The following ST6GAL2 variants were observed in gnomAD, a reference collection of about 807,000 sequenced individuals.
ST6GAL2 encodes beta-galactoside alpha-2,6-sialyltransferase 2.
In ST6GAL2, 24 loss-of-function variants were observed where a neutral mutation model predicts 37.5. The observed-to-expected ratio is 0.64, with a 90% CI of 0.46 to 0.90. The LOEUF (loss-of-function observed/expected upper bound fraction) is 0.90. Ranked by LOEUF, ST6GAL2 falls within the 40% of genes least tolerant of loss-of-function variation. The pLI is 0.00. For missense variants in ST6GAL2, 715 were observed against 712.7 expected, an observed-to-expected ratio of 1.00 and a Z score of -0.04; for synonymous variants, 306 against 295.1, an observed-to-expected ratio of 1.04 and a Z score of -0.38.
chr2:106,850,131 A>C (rs1445667847), intron 1 of ST6GAL2, among the ~76,000 whole-genome samples: 1 of 152,110 alleles, frequency 6.6e-6, no homozygotes, highest in African/African-American at 2.4e-5. Flanking sequence ...TTATATGAAA[A>C]CGCCTAGTTT....
chr2:106,837,005 C>T (rs1204734265), intron 2 of ST6GAL2, among the ~76,000 whole-genome samples: 1 of 150,984 alleles, frequency 6.6e-6, no homozygotes, highest in South Asian at 2.1e-4. Context: ...TGGAGTTCCC[C>T]AGTTTTTAAA....
rs184915021 is a variant in ST6GAL2 at position 106,810,604 on chromosome 2, C to T, written c.1319-3655G>A. On this transcript the variant is annotated intron_variant, in intron 5 of 5. Transcript: ENST00000409382. ...CGGCAGCCAGCTGCAGCCACTGATA[C>T]GGAATTGGTATGGAGGCATCTTCCA... Among the ~76,000 whole-genome samples, 414 of 152,170 alleles carry T rather than the reference C, an allele frequency of 2.7e-3. 1 individual carries two copies. Among genetic ancestry groups the T allele is most frequent in the Middle Eastern group, 0.014 (4 of 294 alleles).
chr2:106,807,737 G>A (rs1304114591), intron 5 of ST6GAL2, among the ~76,000 whole-genome samples: 1 of 148,988 alleles, frequency 6.7e-6, no homozygotes, highest in Non-Finnish European at 1.5e-5. Context: ...CCATTCTCCT[G>A]CCTCAGCCTC....
intron 1 of ST6GAL2, among the ~76,000 whole-genome samples, chr2:106,848,411 C>A (rs1379711007): frequency 6.6e-6 from 1 of 152,216 alleles, no homozygotes; most frequent in Non-Finnish European, 1.5e-5. Flanking sequence ...TGAGCAACAG[C>A]TCTGGTGGGC....
At chr2:106,873,538 C>T in intron 1 of ST6GAL2, among the ~76,000 whole-genome samples, 1 of 152,198 alleles carries the variant, frequency 6.6e-6, no homozygotes, top group East Asian at 1.9e-4. Context: ...GAATCCAAGA[C>T]AAAGTGCTTT....
chr2:106,848,114 G>A (rs572414037), intron 1 of ST6GAL2, among the ~76,000 whole-genome samples: 1 of 147,176 alleles, frequency 6.8e-6, no homozygotes, highest in South Asian at 2.1e-4. Flanking sequence ...GCACGATCTT[G>A]TCTCATGGCA....
intron 1 of ST6GAL2, among the ~76,000 whole-genome samples, chr2:106,844,814 A>T (rs1677079987): frequency 6.6e-6 from 1 of 152,200 alleles, no homozygotes; most frequent in African/African-American, 2.4e-5. Flanking sequence ...ACTCAGAGAA[A>T]GGGTAACAAA....
intron 5 of ST6GAL2, among the ~76,000 whole-genome samples, chr2:106,826,757 T>C (rs1236455786): frequency 6.6e-6 from 1 of 152,178 alleles, no homozygotes; most frequent in Non-Finnish European, 1.5e-5. Flanking sequence ...CATGGGAGAC[T>C]ATAAGGATGA....
rs1675290985 is a variant in ST6GAL2 at position 106,802,541 on chromosome 2, G to A, written c.*4137C>T. Reference sequence around the variant, plus strand: ...CAGAGAAATACCTTTCATTTATCAAGTGTGTAAATAATGCCCATGTGACAG... The same window carrying A: ...CAGAGAAATACCTTTCATTTATCAAATGTGTAAATAATGCCCATGTGACAG... On this transcript the variant is annotated 3_prime_UTR_variant, in exon 6 of 6. Transcript: ENST00000409382. 1 of 152,022 alleles carries A rather than the reference G, an allele frequency of 6.6e-6. No homozygotes were observed. The highest frequency in any genetic ancestry group is 1.5e-5 in the Non-Finnish European group (1 of 68,014). The allele number at this position is 152,022 out of a possible 1,614,324, so 9.4% of individuals were successfully genotyped here.
At chr2:106,842,300 AG>A (rs2104512698) in intron 2 of ST6GAL2, among the ~76,000 whole-genome samples, 1 of 152,224 alleles carries the variant, frequency 6.6e-6, no homozygotes, top group East Asian at 1.9e-4. Context: ...CATGTGCTCC[AG>A]GGCTCTTGAC....
Position 106,843,842 on chromosome 2 carries a change from G to A in ST6GAL2, c.136C>T (p.Leu46=), listed in dbSNP as rs367576736. 3.0e-4 allele frequency: 489 copies of A among 1,612,160 alleles called. No individual in the cohort carries two copies. The highest frequency in any genetic ancestry group is 3.3e-4 in the Non-Finnish European group (390 of 1,179,664). ...ACCGGCAGGAGCCTCCTGGTCTCCA[G>A]GAAGGAGAGGGAGCTGGGTACAGGC... ...AEPVPSSLSF[L]ETRRLLPVQG... The change falls in exon 2 of 6, where the codon CTG becomes TTG. Residue 46 remains leucine (L), a synonymous_variant. Coordinates refer to ENST00000409382, the MANE Select transcript of ST6GAL2 (RefSeq NM_001142351.2).
Position 106,843,097 on chromosome 2 carries a change from C to T in ST6GAL2, c.881G>A (p.Arg294His), listed in dbSNP as rs1181487739. ...TGCAGACATGACGACAGCGCAGCTG[C>T]GCAGGCCGCGGGGGTGCAGCTGGCT... ...PLSQLHPRGL[R>H]SCAVVMSAGA... The change falls in exon 2 of 6, where the codon CGC (arginine) becomes CAC (histidine). Residue 294 changes from arginine (R) to histidine (H), a missense_variant. By Grantham distance (29) the Arg-to-His change is conservative (BLOSUM62 0). Transcript: ENST00000409382. The T allele has an allele frequency of 1.3e-6, 2 of 1,524,438 alleles. No individual in the cohort carries two copies. Among genetic ancestry groups the T allele is most frequent in the Middle Eastern group, 3.6e-4 (2 of 5,534 alleles). 94.4% of individuals were successfully genotyped at this position (1,524,438 alleles called of 1,614,324 possible). A position where few individuals can be genotyped will look rare whatever the true frequency, so the allele number is the denominator to read the frequency against.
chr2:106,867,162 C>A (rs944084961), intron 1 of ST6GAL2, among the ~76,000 whole-genome samples: 1 of 152,086 alleles, frequency 6.6e-6, no homozygotes, highest in Non-Finnish European at 1.5e-5. Flanking sequence ...ATAAATGGCT[C>A]CACATTCTAA....
intron 1 of ST6GAL2, among the ~76,000 whole-genome samples, chr2:106,863,219 G>A (rs934729755): frequency 2.6e-5 from 4 of 152,128 alleles, no homozygotes; most frequent in African/African-American, 7.2e-5. Context: ...CCTGGCTCAC[G>A]TTTGCTCTCT....
chr2:106,812,026 C>T (rs534795390), intron 5 of ST6GAL2, among the ~76,000 whole-genome samples: 1 of 152,114 alleles, frequency 6.6e-6, no homozygotes, highest in Non-Finnish European at 1.5e-5. Context: ...GTCTCCATCC[C>T]CACTCACAGG....
intron 1 of ST6GAL2, among the ~76,000 whole-genome samples, chr2:106,854,863 T>C (rs1677510998): frequency 6.6e-6 from 1 of 151,938 alleles, no homozygotes; most frequent in Non-Finnish European, 1.5e-5. Flanking sequence ...TCATGTTTCA[T>C]GTTTCTCAAA....
At chr2:106,833,084 C>T (rs1363790302) in intron 3 of ST6GAL2, among the ~76,000 whole-genome samples, 1 of 152,122 alleles carries the variant, frequency 6.6e-6, no homozygotes, top group African/African-American at 2.4e-5. Flanking sequence ...CTCTGTGGCC[C>T]TACCTAGTTC....
At chr2:106,884,330 C>T (rs1371261384) in intron 1 of ST6GAL2, among the ~76,000 whole-genome samples, 1 of 152,194 alleles carries the variant, frequency 6.6e-6, no homozygotes, top group Admixed American at 6.5e-5. Context: ...ATAAATCATT[C>T]ACATATTTTC....
At chr2:106,870,876 T>TG (rs1262731659) in intron 1 of ST6GAL2, among the ~76,000 whole-genome samples, 1 of 152,096 alleles carries the variant, frequency 6.6e-6, no homozygotes, top group Admixed American at 6.5e-5. Flanking sequence ...GAAAAGGGCT[T>TG]GGGGGTGTGC....
Sources: gnomAD v4.1 joint callset for allele counts (sites outside exome capture counted in the v4.1 genomes callset) on GRCh38, gnomAD v4.1.1 for gene constraint, MANE v1.5 for transcripts, NCBI Gene and HGNC (gene_info 2026-07-23, HGNC 2026-07-21) for gene names.